The following LRFN5 variants were observed in gnomAD, a reference collection of about 807,000 sequenced individuals.
The protein encoded by LRFN5 is leucine-rich repeat and fibronectin type-III domain-containing protein 5.
A neutral mutation model predicts 45.6 loss-of-function variants in LRFN5; 24 were observed. The observed-to-expected ratio is 0.53, with a 90% CI of 0.38 to 0.74. LRFN5 has a LOEUF of 0.74. Ranked by LOEUF, LRFN5 falls within the 30% of genes least tolerant of loss-of-function variation. The pLI, the probability that LRFN5 is intolerant of heterozygous loss-of-function variation, is 0.00. For missense variants in LRFN5, 776 were observed against 861.5 expected, an observed-to-expected ratio of 0.90 and a Z score of 1.24; for synonymous variants, 340 against 313.8, an observed-to-expected ratio of 1.08 and a Z score of -0.88.
intron 2 of LRFN5, among the ~76,000 whole-genome samples, chr14:41,792,623 C>T (rs1044638560): frequency 6.6e-6 from 1 of 151,974 alleles, no homozygotes; most frequent in Non-Finnish European, 1.5e-5. Flanking sequence ...TTTATATGCT[C>T]TCTGCAAGAA....
chr14:41,753,102 T>C (rs553153212), intron 1 of LRFN5, among the ~76,000 whole-genome samples: 1 of 152,220 alleles, frequency 6.6e-6, no homozygotes, highest in East Asian at 1.9e-4. Context: ...TTCTGAGGGC[T>C]CTGTTCTGTT....
chr14:41,735,979 C>T (rs1384633554), intron 1 of LRFN5, among the ~76,000 whole-genome samples: 2 of 152,098 alleles, frequency 1.3e-5, no homozygotes, highest in African/African-American at 2.4e-5. Context: ...TGTATATGTG[C>T]CATATTTGCT....
intron 1 of LRFN5, among the ~76,000 whole-genome samples, chr14:41,617,028 A>G (rs1887949903): frequency 6.6e-6 from 1 of 152,152 alleles, no homozygotes; most frequent in South Asian, 2.1e-4. Context: ...ACTTACTAAG[A>G]AAATAATAAG....
At chr14:41,663,190 G>C (rs1402340141) in intron 1 of LRFN5, among the ~76,000 whole-genome samples, 1 of 152,118 alleles carries the variant, frequency 6.6e-6, no homozygotes, top group African/African-American at 2.4e-5. Context: ...AAGGGGCGTA[G>C]CCAAACCGCC....
chr14:41,840,886 T>C (rs1221040748), intron 2 of LRFN5, among the ~76,000 whole-genome samples: 1 of 151,486 alleles, frequency 6.6e-6, no homozygotes, highest in Non-Finnish European at 1.5e-5. Flanking sequence ...TGGATTTGGA[T>C]TCAAATATGA....
In LRFN5 at chr14:41,704,442, C is replaced by CTGTGTGTGTG. The variant is rs1190054164; in HGVS notation, c.-196-62411_-196-62410insGTGTGTGTGT. On this transcript the variant is annotated intron_variant, in intron 1 of 5. Transcript: ENST00000298119. ...TCTCTCTCTCTCTCTCTCTCTCTCT[C>CTGTGTGTGTG]TCTCTCTGTGTGTGTGTGTCTGTGA... 3.4e-3 allele frequency among the ~76,000 whole-genome samples: 439 copies of CTGTGTGTGTG among 127,804 alleles called. 7 individuals carry two copies. Among genetic ancestry groups the CTGTGTGTGTG allele is most frequent in the African/African-American group, 0.014 (386 of 28,388 alleles). The allele number at this position is 127,804 out of a possible 152,430, so 83.8% of individuals were successfully genotyped here.
intron 2 of LRFN5, among the ~76,000 whole-genome samples, chr14:41,881,305 A>G (rs1890370971): frequency 6.6e-6 from 1 of 151,970 alleles, no homozygotes; most frequent in African/African-American, 2.4e-5. Context: ...TTTATTAGAT[A>G]TAAAATTCTA....
intron 1 of LRFN5, among the ~76,000 whole-genome samples, chr14:41,702,118 A>C (rs1466948252): frequency 2.0e-5 from 3 of 152,164 alleles, no homozygotes; most frequent in Non-Finnish European, 2.9e-5. Flanking sequence ...ACCCAATGTG[A>C]GCAAATGAGA....
intron 2 of LRFN5, among the ~76,000 whole-genome samples, chr14:41,793,969 G>A (rs1311195171): frequency 2.0e-5 from 3 of 152,002 alleles, no homozygotes; most frequent in African/African-American, 7.2e-5. Context: ...CAGAAACAAG[G>A]GAGTTATTAT....
intron 2 of LRFN5, among the ~76,000 whole-genome samples, chr14:41,860,059 G>C (rs1421513381): frequency 1.3e-5 from 2 of 152,096 alleles, no homozygotes; most frequent in East Asian, 3.9e-4. Flanking sequence ...TGGTTCCAAG[G>C]ACCGTGGGTA....
intron 2 of LRFN5, among the ~76,000 whole-genome samples, chr14:41,832,224 A>G (rs1282794041): frequency 1.3e-5 from 2 of 152,168 alleles, no homozygotes; most frequent in East Asian, 3.9e-4. Flanking sequence ...ATTCTGGAAC[A>G]AATTTTTATT....
At chr14:41,613,930 T>C (rs1328578335) in intron 1 of LRFN5, among the ~76,000 whole-genome samples, 1 of 151,994 alleles carries the variant, frequency 6.6e-6, no homozygotes, top group Non-Finnish European at 1.5e-5. Context: ...TTACTCCTTA[T>C]TTTCTATCTT....
At chr14:41,677,195 CTT>C (rs2138676586) in intron 1 of LRFN5, among the ~76,000 whole-genome samples, 1 of 152,250 alleles carries the variant, frequency 6.6e-6, no homozygotes, top group South Asian at 2.1e-4. Context: ...AGGAAATAGA[CTT>C]TGAGAATTAG....
At chr14:41,659,285 A>G (rs949629131) in intron 1 of LRFN5, among the ~76,000 whole-genome samples, 1 of 151,924 alleles carries the variant, frequency 6.6e-6, no homozygotes, top group African/African-American at 2.4e-5. Context: ...CCCACTAATG[A>G]TTGAGAACAT....
In LRFN5 at chr14:41,887,415, G is replaced by T; in HGVS notation, c.790G>T (p.Ala264Ser). The change falls in exon 3 of 6, where the codon GCT (alanine) becomes TCT (serine). Residue 264 changes from alanine (A) to serine (S), a missense_variant. Physicochemically the swap from Ala to Ser is moderately conservative, Grantham distance 99. Coordinates refer to ENST00000298119, the MANE Select transcript of LRFN5 (RefSeq NM_152447.5). The surrounding 1 kb of genome is among the most constrained non-coding windows in gnomAD (Gnocchi z 4.8). ...LSREDDLETC[A>S]SPPLLTGRYF... is the part of the protein sequence containing the mutation. Reference sequence around the variant, plus strand: ...CAGAGAAGATGACTTAGAGACCTGTGCTTCTCCTCCACTTTTAACTGGCCG... The same window carrying T: ...CAGAGAAGATGACTTAGAGACCTGTTCTTCTCCTCCACTTTTAACTGGCCG... 6.2e-7 allele frequency: 1 copy of T among 1,614,172 alleles called. No individual in the cohort carries two copies. Among genetic ancestry groups the T allele is most frequent in the Non-Finnish European group, 8.5e-7 (1 of 1,180,040 alleles).
intron 1 of LRFN5, among the ~76,000 whole-genome samples, chr14:41,733,319 A>G (rs1166851442): frequency 1.3e-5 from 2 of 152,168 alleles, no homozygotes; most frequent in African/African-American, 4.8e-5. Flanking sequence ...TGAAAGCAGC[A>G]TGGGAGAAGC....
chr14:41,646,765 T>C (rs548460882), intron 1 of LRFN5, among the ~76,000 whole-genome samples: 2 of 152,336 alleles, frequency 1.3e-5, no homozygotes, highest in South Asian at 4.1e-4. Context: ...AGGGGATCTC[T>C]TTCCTCACAA....
chr14:41,715,445 T>C (rs1267350172), intron 1 of LRFN5, among the ~76,000 whole-genome samples: 3 of 152,224 alleles, frequency 2.0e-5, no homozygotes, highest in African/African-American at 7.2e-5. Flanking sequence ...CTCTCTGTTC[T>C]TTTTAAACCT....
chr14:41,787,367 T>G (rs1886760843), intron 2 of LRFN5, among the ~76,000 whole-genome samples: 1 of 152,128 alleles, frequency 6.6e-6, no homozygotes, highest in South Asian at 2.1e-4. Flanking sequence ...CACTCTTTCC[T>G]GTGCTGTAAT....
Sources: gnomAD v4.1 joint callset for allele counts (sites outside exome capture counted in the v4.1 genomes callset) on GRCh38, gnomAD v4.1.1 for gene constraint, Gnocchi (gnomAD v3.1) non-coding constraint, MANE v1.5 for transcripts, NCBI Gene and HGNC (gene_info 2026-07-23, HGNC 2026-07-21) for gene names.